ADAM9: variants seen among roughly 807,000 people sequenced by gnomAD.
ADAM9 encodes disintegrin and metalloproteinase domain-containing protein 9.
A neutral mutation model predicts 108.1 loss-of-function variants in ADAM9; 54 were observed. The observed-to-expected ratio is 0.50, with a 90% CI of 0.40 to 0.63. The LOEUF (loss-of-function observed/expected upper bound fraction) is 0.63, where lower values mean the gene tolerates loss of function less well. Among genes scored for constraint, ADAM9 ranks in the 20% least tolerant of loss-of-function variants. ADAM9 has a pLI of 0.00. For missense variants in ADAM9, 830 were observed against 997.7 expected, an observed-to-expected ratio of 0.83 and a Z score of 2.26; for synonymous variants, 316 against 336.0, an observed-to-expected ratio of 0.94 and a Z score of 0.65.
intron 7 of ADAM9, 26 bp from the exon 8 acceptor site, chr8:39,021,617 A>G (rs778042968): frequency 6.3e-7 from 1 of 1,599,544 alleles, no homozygotes; most frequent in Non-Finnish European, 8.6e-7. Context: ...TTTGGTGATA[A>G]TGATTCTCCT....
intron 11 of ADAM9, among the ~76,000 whole-genome samples, chr8:39,036,809 A>T (rs1193158419): frequency 6.6e-6 from 1 of 151,942 alleles, no homozygotes; most frequent in African/African-American, 2.4e-5. Flanking sequence ...AAAAAGCACC[A>T]CAAGTGTCTA....
At chr8:39,013,545 C>G (rs970264176) in intron 3 of ADAM9, among the ~76,000 whole-genome samples, 3 of 148,380 alleles carry the variant, frequency 2.0e-5, no homozygotes, top group African/African-American at 7.5e-5. Flanking sequence ...CTCTGTTATC[C>G]AGGGTGGAGT....
chr8:39,048,647 T>G (rs1837852970), intron 12 of ADAM9, among the ~76,000 whole-genome samples: 1 of 152,196 alleles, frequency 6.6e-6, no homozygotes, highest in African/African-American at 2.4e-5. Context: ...ATCTAGATGT[T>G]TTATCCATAA....
At chr8:39,049,818 C>T (rs995072898) in intron 12 of ADAM9, among the ~76,000 whole-genome samples, 1 of 152,174 alleles carries the variant, frequency 6.6e-6, no homozygotes, top group Admixed American at 6.6e-5. Flanking sequence ...AACAGCAACA[C>T]AGTATTTTGC....
intron 11 of ADAM9, among the ~76,000 whole-genome samples, chr8:39,033,360 G>T (rs1051834652): frequency 1.3e-5 from 2 of 151,844 alleles, no homozygotes; most frequent in African/African-American, 2.4e-5. Context: ...TATTATCTCT[G>T]TACAAAGACA....
At chr8:39,095,037 A>G (rs1839459901) in intron 20 of ADAM9, among the ~76,000 whole-genome samples, 1 of 152,254 alleles carries the variant, frequency 6.6e-6, no homozygotes, top group Admixed American at 6.5e-5. Context: ...ACTTATTGGT[A>G]TAGACTTGCT....
chr8:39,049,979 T>G (rs577167425), intron 12 of ADAM9, among the ~76,000 whole-genome samples: 2 of 152,334 alleles, frequency 1.3e-5, no homozygotes, highest in African/African-American at 4.8e-5. Context: ...CTGCTTTTGT[T>G]TTTCTAGAAA....
Position 39,025,683 on chromosome 8 carries a change from T to G in ADAM9, c.915-120T>G, listed in dbSNP as rs1588348988. On this transcript the variant is annotated intron_variant, in intron 9 of 21. Transcript: ENST00000487273. ...TTCTGATTTTAGAATTTTTTTTTTT[T>G]GCCATTTTCCTGCCATGTTTTGTAG... is the stretch of plus-strand genomic sequence containing the variant. 4.6e-6 allele frequency: 4 copies of G among 872,250 alleles called. No individual in the cohort carries two copies. The East Asian group carries it at 1.0e-4, about 23-fold the overall frequency. 54.0% of individuals were successfully genotyped at this position (872,250 alleles called of 1,614,324 possible).
At chr8:39,017,968 A>G (rs1464693987) in intron 6 of ADAM9, among the ~76,000 whole-genome samples, 2 of 152,240 alleles carry the variant, frequency 1.3e-5, no homozygotes, top group African/African-American at 4.8e-5. Flanking sequence ...AAAAAGAGAG[A>G]GATACGGCTT....
intron 18 of ADAM9, among the ~76,000 whole-genome samples, chr8:39,087,529 G>A (rs748598096): frequency 6.6e-6 from 1 of 152,164 alleles, no homozygotes; most frequent in Non-Finnish European, 1.5e-5. Flanking sequence ...TAACATTGTA[G>A]TGTACATGTT....
Position 39,058,155 on chromosome 8 carries a change from T to G in ADAM9, c.1591+2383T>G, listed in dbSNP as rs1455077983. ...TATAAAATTAACAATACTTAAATGC[T>G]ATAATATCAAGTCAATATGTCTTAT... On this transcript the variant is annotated intron_variant, in intron 14 of 21. Transcript: ENST00000487273. 2.0e-5 allele frequency among the ~76,000 whole-genome samples: 3 copies of G among 152,202 alleles called. No homozygotes were observed. In the East Asian group the frequency reaches 5.8e-4, roughly 29 times the overall value.
intron 11 of ADAM9, among the ~76,000 whole-genome samples, chr8:39,032,657 T>C (rs1160381165): frequency 6.6e-6 from 1 of 152,238 alleles, no homozygotes; most frequent in Non-Finnish European, 1.5e-5. Flanking sequence ...CTGCTTTGGC[T>C]CACCCTCTGT....
chr8:39,063,461 G>A (rs28866859), intron 14 of ADAM9, among the ~76,000 whole-genome samples: 12,956 of 152,226 alleles, frequency 0.085, 864 homozygotes, highest in African/African-American at 0.19. Context: ...TCAGCCAGGC[G>A]CCTGTAATCC....
At chr8:39,008,173 C>CT (rs35261462) in intron 2 of ADAM9, among the ~76,000 whole-genome samples, 190 bp downstream of exon 2, 55,281 of 146,734 alleles carry the variant, frequency 0.38, 10,606 homozygotes, top group African/African-American at 0.51. Context: ...CCTTAATATC[C>CT]TTTTTTTTTT....
chr8:39,008,056 T>A, intron 2 of ADAM9, 73 bp downstream of exon 2: 3 of 1,121,960 alleles, frequency 2.7e-6, no homozygotes, highest in Non-Finnish European at 4.0e-6. Flanking sequence ...AGGTGTTATT[T>A]GTAGCAGTGA....
intron 11 of ADAM9, among the ~76,000 whole-genome samples, chr8:39,041,230 TA>T (rs946335810): frequency 7.4e-5 from 11 of 149,420 alleles, no homozygotes; most frequent in Non-Finnish European, 1.0e-4. Flanking sequence ...AAGTAGTAGC[TA>T]AAAAAAAAAT....
chr8:39,016,233 C>T (rs1302763736), intron 5 of ADAM9, 39 bp downstream of exon 5: 5 of 1,522,932 alleles, frequency 3.3e-6, no homozygotes, highest in East Asian at 2.3e-5. Context: ...TTTGTTTCCC[C>T]TATGTCTTAC....
intron 14 of ADAM9, among the ~76,000 whole-genome samples, chr8:39,068,915 A>G (rs570554538): frequency 3.6e-4 from 55 of 152,196 alleles, no homozygotes; most frequent in African/African-American, 1.1e-3. Context: ...GTGTTTTGCC[A>G]GGGTAGAGAA....
chr8:39,017,474 TATTC>T, intron 6 of ADAM9, 60 bp downstream of exon 6: 1 of 1,527,418 alleles, frequency 6.5e-7, no homozygotes, highest in Non-Finnish European at 9.0e-7. Flanking sequence ...ATCATGTATT[TATTC>T]ATGAAATCAA....
Sources: allele counts gnomAD v4.1 joint callset (sites outside exome capture counted in the v4.1 genomes callset), GRCh38; gene constraint gnomAD v4.1.1; transcripts MANE v1.5; gene names NCBI Gene and HGNC (gene_info 2026-07-23, HGNC 2026-07-21).